The following ABCC1 variants were observed in gnomAD, a reference collection of about 807,000 sequenced individuals.
ABCC1 encodes multidrug resistance-associated protein 1.
Under a neutral mutation model 172.9 loss-of-function variants are expected in ABCC1, and 83 were observed. The observed-to-expected ratio is 0.48, with a 90% CI of 0.40 to 0.58. The LOEUF (loss-of-function observed/expected upper bound fraction) is 0.58, where lower values mean the gene tolerates loss of function less well. ABCC1 is among the 20% of genes least tolerant of loss of function. The probability of loss-of-function intolerance (pLI) is 0.00; values close to 1 mark genes in which losing one functional copy is unlikely to be tolerated. For synonymous variants in ABCC1, 937 were observed against 825.2 expected (o/e 1.14, Z -2.32); for missense variants, 1,817 against 2,002.7 (o/e 0.91, Z 1.77).
chr16:16,023,556 T>G (rs1308091837), intron 5 of ABCC1, among the ~76,000 whole-genome samples: 2 of 152,158 alleles, frequency 1.3e-5, no homozygotes, highest in Non-Finnish European at 2.9e-5. Flanking sequence ...ATGCTTTCAG[T>G]CATTTAATAA....
At chr16:16,131,663 C>T in intron 26 of ABCC1, 126 bp from the exon 27 acceptor site, 1 of 1,027,222 alleles carries the variant, frequency 9.7e-7, no homozygotes. Context: ...GAAGGGCAAC[C>T]CCCCAGTGCT....
At chr16:16,123,460 TC>T (rs2152116404) in intron 24 of ABCC1, among the ~76,000 whole-genome samples, 1 of 150,990 alleles carries the variant, frequency 6.6e-6, no homozygotes, top group East Asian at 2.0e-4. Context: ...CATGGCAAAA[TC>T]CCATCTATAT....
At chr16:15,989,337 C>T (rs180741948) in intron 1 of ABCC1, among the ~76,000 whole-genome samples, 2 of 152,266 alleles carry the variant, frequency 1.3e-5, no homozygotes, top group African/African-American at 2.4e-5. Context: ...TGGCTTCAGC[C>T]GCCTTCCTCT....
chr16:15,957,148 C>T (rs892025024), intron 1 of ABCC1, among the ~76,000 whole-genome samples: 2 of 151,514 alleles, frequency 1.3e-5, no homozygotes, highest in Non-Finnish European at 2.9e-5. Flanking sequence ...GGCGCGACCT[C>T]AGCTCACTGC....
intron 24 of ABCC1, 122 bp from the exon 25 acceptor site, chr16:16,124,667 C>A: frequency 7.1e-7 from 1 of 1,417,520 alleles, no homozygotes; most frequent in African/African-American, 1.4e-5. Context: ...AGGACTCTCT[C>A]TGGAATTACT....
intron 19 of ABCC1, among the ~76,000 whole-genome samples, chr16:16,091,642 A>G (rs944505980): frequency 2.0e-5 from 3 of 152,112 alleles, no homozygotes; most frequent in African/African-American, 7.2e-5. Context: ...CATGAGCTCA[A>G]TTTGTTTACA....
intron 18 of ABCC1, among the ~76,000 whole-genome samples, chr16:16,090,039 G>A (rs1032095981): frequency 6.6e-6 from 1 of 152,022 alleles, no homozygotes; most frequent in Admixed American, 6.6e-5. Context: ...TGCAAAACCC[G>A]CACACTTGGT....
At chr16:16,041,633 TAC>T (rs1239819876) in intron 7 of ABCC1, among the ~76,000 whole-genome samples, 1 of 152,140 alleles carries the variant, frequency 6.6e-6, no homozygotes, top group Non-Finnish European at 1.5e-5. Context: ...TGTGGCCCCT[TAC>T]ACTCAGATCC....
At chr16:16,060,680 C>A (rs115223296) in intron 12 of ABCC1, among the ~76,000 whole-genome samples, 2,801 of 152,050 alleles carry the variant, frequency 0.018, 75 homozygotes, top group African/African-American at 0.064. Context: ...CACTACCATG[C>A]CTTGTTAATT....
At chr16:16,116,482 TAGC>T (rs1156889798) in intron 23 of ABCC1, among the ~76,000 whole-genome samples, 3 of 152,202 alleles carry the variant, frequency 2.0e-5, no homozygotes, top group Non-Finnish European at 2.9e-5. Flanking sequence ...AATAGATTAA[TAGC>T]AGTAATTTAT....
At chr16:16,046,300 C>A (rs1174850022) in intron 9 of ABCC1, among the ~76,000 whole-genome samples, 1 of 152,048 alleles carries the variant, frequency 6.6e-6, no homozygotes, top group Admixed American at 6.6e-5. Context: ...AAGTTTGGAT[C>A]CTCATTCTGC....
chr16:15,970,976 C>T (rs1228470594), intron 1 of ABCC1, among the ~76,000 whole-genome samples: 3 of 152,146 alleles, frequency 2.0e-5, no homozygotes, highest in Non-Finnish European at 4.4e-5. Flanking sequence ...GCCTTATCCC[C>T]ATCTTGCTTG....
At chr16:16,106,627 CT>C (rs1400763173) in intron 20 of ABCC1, 110 bp from the exon 21 acceptor site, 29 of 1,345,282 alleles carry the variant, frequency 2.2e-5, no homozygotes, top group Non-Finnish European at 2.9e-5. Context: ...TGTGGAAACA[CT>C]CCGTCTCTTA....
intron 1 of ABCC1, among the ~76,000 whole-genome samples, chr16:16,005,374 A>T (rs563205235): frequency 6.8e-6 from 1 of 147,866 alleles, no homozygotes; most frequent in African/African-American, 2.5e-5. Context: ...TTTGAGACAC[A>T]GTCTTGCTCT....
At chr16:16,087,316 C>T (rs1255536464) in intron 18 of ABCC1, among the ~76,000 whole-genome samples, 1 of 152,196 alleles carries the variant, frequency 6.6e-6, no homozygotes, top group Non-Finnish European at 1.5e-5. Context: ...TAGCAGGCTG[C>T]ATTTTCTTAC....
chr16:15,982,803 CAAAAAAAA>C (rs148834444), intron 1 of ABCC1, among the ~76,000 whole-genome samples: 1 of 43,212 alleles, frequency 2.3e-5, no homozygotes, highest in Non-Finnish European at 4.3e-5. Context: ...GAGACGCTGT[CAAAAAAAA>C]AAAAAAAAAA....
intron 18 of ABCC1, among the ~76,000 whole-genome samples, chr16:16,088,190 A>T: frequency 6.6e-6 from 1 of 151,868 alleles, no homozygotes; most frequent in Admixed American, 6.6e-5. Context: ...ACGGTGAGTA[A>T]TCCCAACACT....
At chr16:16,013,707 A>C (rs1279370255) in intron 3 of ABCC1, among the ~76,000 whole-genome samples, 1 of 152,200 alleles carries the variant, frequency 6.6e-6, no homozygotes, top group Admixed American at 6.5e-5. Flanking sequence ...GGGTGAAGGC[A>C]GGGGAGCTTG....
At chr16:16,047,482 G>C (rs45465999) in intron 9 of ABCC1, among the ~76,000 whole-genome samples, 10,964 of 152,118 alleles carry the variant, frequency 0.072, 532 homozygotes, top group Middle Eastern at 0.13. Flanking sequence ...TAAAACTCAC[G>C]AGGTGATAGT....
Sources: gnomAD v4.1 joint callset for allele counts (sites outside exome capture counted in the v4.1 genomes callset) on GRCh38, gnomAD v4.1.1 for gene constraint, MANE v1.5 for transcripts, NCBI Gene and HGNC (gene_info 2026-07-23, HGNC 2026-07-21) for gene names.